Variants in RBMS1 observed in about 807,000 individuals in gnomAD.
RBMS1 encodes the protein RNA binding motif single stranded interacting protein 1, also known as RNA-binding motif, single-stranded-interacting protein 1.
In RBMS1, 17 loss-of-function variants were observed where a neutral mutation model predicts 62.3. That is an observed-to-expected ratio of 0.27 (90% CI 0.19 to 0.41). The LOEUF (loss-of-function observed/expected upper bound fraction) is 0.41. RBMS1 is among the 10% of genes least tolerant of loss of function. The pLI is 1.00. For synonymous variants in RBMS1, 172 were observed against 170.0 expected, an observed-to-expected ratio of 1.01 and a Z score of -0.09; for missense variants, 334 against 504.5, an observed-to-expected ratio of 0.66 and a Z score of 3.24.
intron 1 of RBMS1, among the ~76,000 whole-genome samples, chr2:160,391,732 C>T (rs1694874028): frequency 1.3e-5 from 2 of 152,260 alleles, no homozygotes; most frequent in East Asian, 3.9e-4. Flanking sequence ...AATCCCAGCA[C>T]TTTGGGAAGC....
chr2:160,399,631 C>T (rs1695334282), intron 1 of RBMS1, among the ~76,000 whole-genome samples: 1 of 152,066 alleles, frequency 6.6e-6, no homozygotes, highest in Admixed American at 6.5e-5. Context: ...TATTCACTGT[C>T]TTAGAATTGG....
intron 2 of RBMS1, among the ~76,000 whole-genome samples, chr2:160,325,979 C>T (rs1039774278): frequency 1.1e-4 from 16 of 152,152 alleles, no homozygotes; most frequent in Admixed American, 7.9e-4. Flanking sequence ...GTTGTTCTGG[C>T]CTAACTCTTA....
At chr2:160,310,776 C>T (rs977124675) in intron 4 of RBMS1, among the ~76,000 whole-genome samples, 1 of 152,044 alleles carries the variant, frequency 6.6e-6, no homozygotes, top group Admixed American at 6.5e-5. Context: ...AAACATTCTG[C>T]AAATCATTAT....
In RBMS1 at chr2:160,444,517, C is replaced by T. The variant is rs191988769; in HGVS notation, c.75+48772G>A. Among the ~76,000 whole-genome samples, 362 of 152,288 alleles carry T rather than the reference C, an allele frequency of 2.4e-3. 2 individuals carry two copies. Among genetic ancestry groups the T allele is most frequent in the African/African-American group, 8.3e-3 (347 of 41,560 alleles). On this transcript the variant is annotated intron_variant, in intron 1 of 13. Coordinates refer to ENST00000348849, the MANE Select transcript of RBMS1 (RefSeq NM_016836.4). ...CATGATAAAGCTGTGAAATTACTAT[C>T]GCTATTCTCAGTTTACAGAAAACCG... is the stretch of plus-strand genomic sequence containing the variant.
intron 2 of RBMS1, among the ~76,000 whole-genome samples, chr2:160,329,446 T>C (rs1691134580): frequency 6.6e-6 from 1 of 152,156 alleles, no homozygotes; most frequent in Non-Finnish European, 1.5e-5. Context: ...GATTTCTTAC[T>C]GGTTTGTCTG....
At chr2:160,476,810 T>C (rs1685158178) in intron 1 of RBMS1, among the ~76,000 whole-genome samples, 1 of 152,068 alleles carries the variant, frequency 6.6e-6, no homozygotes, top group African/African-American at 2.4e-5. Flanking sequence ...CGCCTCGGCC[T>C]CCCAAAGTGC....
At chr2:160,401,341 C>T (rs1695415061) in intron 1 of RBMS1, among the ~76,000 whole-genome samples, 1 of 152,182 alleles carries the variant, frequency 6.6e-6, no homozygotes, top group South Asian at 2.1e-4. Context: ...CTTGCTGCTG[C>T]TGTCGTTATA....
chr2:160,375,760 T>C (rs1474830785), intron 1 of RBMS1, among the ~76,000 whole-genome samples: 1 of 152,200 alleles, frequency 6.6e-6, no homozygotes, highest in African/African-American at 2.4e-5. Flanking sequence ...ATTATTCTTC[T>C]GAATTCTGAA....
chr2:160,286,869 T>C (rs1688426844), intron 7 of RBMS1, 100 bp downstream of exon 7: 2 of 1,568,544 alleles, frequency 1.3e-6, no homozygotes, highest in African/African-American at 2.7e-5. Context: ...ATTTCAGAAG[T>C]GTGCAGCCAA....
At chr2:160,436,697 C>T (rs555834436) in intron 1 of RBMS1, among the ~76,000 whole-genome samples, 1 of 152,204 alleles carries the variant, frequency 6.6e-6, no homozygotes, top group South Asian at 2.1e-4. Flanking sequence ...TTCAGCTGTC[C>T]ATTTTCACTC....
intron 5 of RBMS1, among the ~76,000 whole-genome samples, chr2:160,301,919 A>G (rs1689229330): frequency 6.6e-6 from 1 of 152,228 alleles, no homozygotes; most frequent in African/African-American, 2.4e-5. Flanking sequence ...AAACCCTCAG[A>G]AATTCTTCCT....
At chr2:160,401,123 G>A (rs1315121223) in intron 1 of RBMS1, among the ~76,000 whole-genome samples, 2 of 152,078 alleles carry the variant, frequency 1.3e-5, no homozygotes, top group Admixed American at 6.5e-5. Flanking sequence ...TATAGCAGAG[G>A]AAGCCATTTG....
intron 6 of RBMS1, among the ~76,000 whole-genome samples, chr2:160,297,099 G>A (rs971296082): frequency 2.0e-5 from 3 of 152,180 alleles, no homozygotes; most frequent in African/African-American, 7.2e-5. Flanking sequence ...AGCTGACATG[G>A]ACCTAAGGCT....
At chr2:160,277,232 G>T in intron 12 of RBMS1, 71 bp downstream of exon 12, 1 of 1,341,866 alleles carries the variant, frequency 7.5e-7, no homozygotes, top group Non-Finnish European at 1.1e-6. Context: ...AGATTTTTCT[G>T]AGTTCTATTT....
chr2:160,443,212 AAAAAAAAAAAC>A (rs1047400275), intron 1 of RBMS1, among the ~76,000 whole-genome samples: 1 of 21,112 alleles, frequency 4.7e-5, no homozygotes, highest in African/African-American at 1.4e-4. Flanking sequence ...TTAAGAAAAC[AAAAAAAAAAAC>A]AAAAAAAAAA....
intron 6 of RBMS1, among the ~76,000 whole-genome samples, chr2:160,296,028 G>A (rs945564103): frequency 4.6e-5 from 7 of 152,200 alleles, no homozygotes; most frequent in African/African-American, 1.7e-4. Flanking sequence ...GGCCCTGCTC[G>A]TGCAAAGGCT....
intron 1 of RBMS1, among the ~76,000 whole-genome samples, chr2:160,483,223 T>C (rs1685443582): frequency 6.6e-6 from 1 of 152,182 alleles, no homozygotes; most frequent in Admixed American, 6.5e-5. Context: ...TGATTATTTT[T>C]TAGGTAAAGA....
chr2:160,335,452 T>C (rs747204490), intron 2 of RBMS1, among the ~76,000 whole-genome samples: 14 of 152,124 alleles, frequency 9.2e-5, no homozygotes, highest in Non-Finnish European at 1.9e-4. Flanking sequence ...ACTGTTCAAA[T>C]TGTTGTGTGT....
intron 1 of RBMS1, among the ~76,000 whole-genome samples, chr2:160,369,103 T>G (rs1398031730): frequency 6.6e-6 from 1 of 152,212 alleles, no homozygotes; most frequent in Non-Finnish European, 1.5e-5. Context: ...TAATAGTCAA[T>G]GCAGAAATGC....
Sources: allele counts gnomAD v4.1 joint callset (sites outside exome capture counted in the v4.1 genomes callset), GRCh38; gene constraint gnomAD v4.1.1; transcripts MANE v1.5; gene names NCBI Gene and HGNC (gene_info 2026-07-23, HGNC 2026-07-21).